The following WDR70 variants were observed in gnomAD, a reference collection of about 807,000 sequenced individuals.
The protein encoded by WDR70 is WD repeat-containing protein 70.
Under a neutral mutation model 88.6 loss-of-function variants are expected in WDR70, and 53 were observed. The observed-to-expected ratio is 0.60, with a 90% CI of 0.48 to 0.75. The LOEUF (loss-of-function observed/expected upper bound fraction) is 0.75. WDR70 is among the 30% of genes least tolerant of loss of function. The pLI is 0.00. For synonymous variants in WDR70, 280 were observed against 270.0 expected (o/e 1.04, Z -0.36); for missense variants, 610 against 823.2 (o/e 0.74, Z 3.17).
rs10062817 is a variant in WDR70, at chr5:37,629,794, G to A, written c.1092+24556G>A. ...ATTGCATGTATTATGATTGTGGTCT[G>A]TTACTAGAGAATTATGTTTCTCTTT... On this transcript the variant is annotated intron_variant, in intron 10 of 17. Coordinates refer to ENST00000265107, the MANE Select transcript of WDR70 (RefSeq NM_018034.4). Among the ~76,000 whole-genome samples the A allele has an allele frequency of 6.0e-3, 908 of 152,146 alleles. 10 individuals carry two copies. The highest frequency in any genetic ancestry group is 0.021 in the African/African-American group (863 of 41,504).
intron 10 of WDR70, among the ~76,000 whole-genome samples, chr5:37,684,606 C>G (rs1203939244): frequency 6.6e-6 from 1 of 152,220 alleles, no homozygotes; most frequent in East Asian, 1.9e-4. Context: ...CATGCTCTAA[C>G]TCTGGGGAAC....
At position 37,392,067 on chromosome 5, in the gene WDR70, G is replaced by T. The variant is rs746160216; in HGVS notation, c.243G>T (p.Glu81Asp). The T allele has an allele frequency of 6.8e-6, 11 of 1,612,746 alleles. No individual in the cohort carries two copies. Among genetic ancestry groups the T allele is most frequent in the Middle Eastern group, 3.3e-4 (2 of 6,056 alleles). Residue 81 changes from glutamate (E) to aspartate (D), a missense_variant, in exon 4 of 18, where the codon GAG (glutamate) becomes GAT (aspartate). By Grantham distance (45) the Glu-to-Asp change is conservative. This residue lies in a region of WDR70 where 203 missense variants were observed against 228.1 expected (regional missense o/e 0.89). Coordinates refer to ENST00000265107, the MANE Select transcript of WDR70 (RefSeq NM_018034.4). Reference sequence around the variant, plus strand: ...TAAGAAGACAAAATGAAGATATTGAGCCAACATCCTCAAGATCAAATGTGG... The same window carrying T: ...TAAGAAGACAAAATGAAGATATTGATCCAACATCCTCAAGATCAAATGTGG... ...KELRRQNEDI[E>D]PTSSRSNVVR... is the part of the protein sequence containing the mutation.
intron 17 of WDR70, among the ~76,000 whole-genome samples, chr5:37,743,698 C>T (rs1053443073): frequency 1.3e-5 from 2 of 152,176 alleles, no homozygotes; most frequent in Non-Finnish European, 2.9e-5. Flanking sequence ...CCTATTCTTC[C>T]TCAGTGGTCA....
At chr5:37,641,741 T>A (rs1356115109) in intron 10 of WDR70, among the ~76,000 whole-genome samples, 1 of 152,030 alleles carries the variant, frequency 6.6e-6, no homozygotes, top group Non-Finnish European at 1.5e-5. Context: ...ATACTTAGAT[T>A]TTCTCCTCCA....
chr5:37,496,204 G>A (rs1230562266), intron 8 of WDR70, among the ~76,000 whole-genome samples: 2 of 152,198 alleles, frequency 1.3e-5, no homozygotes, highest in Non-Finnish European at 2.9e-5. Flanking sequence ...GATGTGGGCA[G>A]GGCCAAATAA....
intron 9 of WDR70, among the ~76,000 whole-genome samples, chr5:37,590,362 G>T (rs11949124): frequency 0.42 from 63,526 of 151,950 alleles, 15,116 homozygotes; most frequent in Non-Finnish European, 0.53. Flanking sequence ...CAGATCAATA[G>T]AATCATGTAG....
chr5:37,705,156 A>G (rs930043874), intron 13 of WDR70, among the ~76,000 whole-genome samples: 1 of 152,174 alleles, frequency 6.6e-6, no homozygotes, highest in African/African-American at 2.4e-5. Context: ...GATACTCAGT[A>G]TGCAGATGGT....
At chr5:37,379,814 A>G (rs1748368327) in intron 2 of WDR70, among the ~76,000 whole-genome samples, 1 of 152,354 alleles carries the variant, frequency 6.6e-6, no homozygotes, top group Admixed American at 6.5e-5. Context: ...TGCTAAAATG[A>G]ACATTTTTGT....
chr5:37,693,650 C>T (rs1187703563), intron 10 of WDR70, among the ~76,000 whole-genome samples: 1 of 152,128 alleles, frequency 6.6e-6, no homozygotes, highest in Non-Finnish European at 1.5e-5. Context: ...ACTGGCTAGC[C>T]ATCTGTAGAA....
At chr5:37,414,607 T>TG (rs1247010431) in intron 5 of WDR70, among the ~76,000 whole-genome samples, 5 of 151,230 alleles carry the variant, frequency 3.3e-5, no homozygotes, top group African/African-American at 1.2e-4. Flanking sequence ...GTCTGTTTTT[T>TG]TTTTTTTTTT....
At chr5:37,392,156 C>G in intron 4 of WDR70, 36 bp downstream of exon 4, 1 of 1,577,458 alleles carries the variant, frequency 6.3e-7, no homozygotes, top group Non-Finnish European at 8.6e-7. Flanking sequence ...ATTAAACTAT[C>G]AGTTTCTAGG....
chr5:37,473,426 C>T (rs909494130), intron 7 of WDR70, among the ~76,000 whole-genome samples: 6 of 150,994 alleles, frequency 4.0e-5, no homozygotes, highest in Non-Finnish European at 8.8e-5. Context: ...TCACTGTAAC[C>T]TCTGCCTCCT....
rs967988082 is a variant in WDR70 at position 37,713,993 on chromosome 5, T to C, written c.1417-7122T>C. 8.5e-5 allele frequency among the ~76,000 whole-genome samples: 13 copies of C among 152,362 alleles called. No individual in the cohort carries two copies. In the East Asian group the frequency reaches 1.9e-3, roughly 23 times the overall value. The stretch of plus-strand genomic sequence containing the variant: ...ATAATTAAAATGCATCCCGGGATAG[T>C]ATTTTTCCTTTTTGGAAATGATAGA... On this transcript the variant is annotated intron_variant, in intron 13 of 17. Coordinates refer to ENST00000265107, the MANE Select transcript of WDR70 (RefSeq NM_018034.4).
chr5:37,517,874 T>G (rs1436436855), intron 9 of WDR70, among the ~76,000 whole-genome samples: 3 of 147,610 alleles, frequency 2.0e-5, no homozygotes, highest in Non-Finnish European at 4.5e-5. Flanking sequence ...TATTATTATA[T>G]TATATATTAT....
chr5:37,609,782 C>T (rs866444891), intron 10 of WDR70, among the ~76,000 whole-genome samples: 1 of 152,146 alleles, frequency 6.6e-6, no homozygotes, highest in Non-Finnish European at 1.5e-5. Context: ...TTCAGTGCCC[C>T]CATTTTCAGC....
At chr5:37,492,006 T>A (rs1740082428) in intron 8 of WDR70, among the ~76,000 whole-genome samples, 1 of 152,150 alleles carries the variant, frequency 6.6e-6, no homozygotes, top group African/African-American at 2.4e-5. Flanking sequence ...TGTTCCAGGG[T>A]CATCTTATAC....
At chr5:37,487,180 T>C (rs191412230) in intron 8 of WDR70, among the ~76,000 whole-genome samples, 9 of 152,328 alleles carry the variant, frequency 5.9e-5, no homozygotes, top group African/African-American at 2.2e-4. Flanking sequence ...TTCTCTCTCT[T>C]TTGACTTCAA....
intron 8 of WDR70, among the ~76,000 whole-genome samples, chr5:37,492,490 T>C (rs1373167510): frequency 6.6e-6 from 1 of 152,194 alleles, no homozygotes; most frequent in East Asian, 1.9e-4. Flanking sequence ...TATGATTACA[T>C]TGTGTGACAC....
Position 37,694,536 on chromosome 5 carries a change from A to G in WDR70, c.1093-3119A>G, listed in dbSNP as rs183184439. Among the ~76,000 whole-genome samples the G allele has an allele frequency of 1.3e-4, 20 of 152,274 alleles. No individual in the cohort carries two copies. The East Asian group carries it at 3.5e-3, about 26-fold the overall frequency. ...TGCAGCCATAAAAAAGGATGAGTTC[A>G]TGTCTTTCAGGGACATGGATGAAGT... is the stretch of plus-strand genomic sequence containing the variant. On this transcript the variant is annotated intron_variant, in intron 10 of 17. Coordinates refer to ENST00000265107, the MANE Select transcript of WDR70 (RefSeq NM_018034.4).
Sources: allele counts gnomAD v4.1 joint callset (sites outside exome capture counted in the v4.1 genomes callset), GRCh38; gene constraint gnomAD v4.1.1; regional missense constraint gnomAD v4.1.1; transcripts MANE v1.5; gene names NCBI Gene and HGNC (gene_info 2026-07-23, HGNC 2026-07-21).